Variants in ST8SIA2 observed in about 807,000 individuals in gnomAD.
ST8SIA2 encodes the protein alpha-2,8-sialyltransferase 8B.
Under a neutral mutation model 37.6 loss-of-function variants are expected in ST8SIA2, and 22 were observed. The observed-to-expected ratio is 0.58, with a 90% CI of 0.42 to 0.83. The LOEUF is 0.83. ST8SIA2 is among the 40% of genes least tolerant of loss of function. The probability of loss-of-function intolerance (pLI) is 0.00; values close to 1 mark genes in which losing one functional copy is unlikely to be tolerated. For synonymous variants in ST8SIA2, 205 were observed against 201.2 expected, an observed-to-expected ratio of 1.02 and a Z score of -0.16; for missense variants, 382 against 484.7, an observed-to-expected ratio of 0.79 and a Z score of 1.99.
chr15:92,454,420 C>T (rs1230147962), intron 5 of ST8SIA2, among the ~76,000 whole-genome samples: 1 of 152,082 alleles, frequency 6.6e-6, no homozygotes, highest in Admixed American at 6.5e-5. Context: ...AATACAGTCA[C>T]ATTCCAAGGT....
Position 92,464,244 on chromosome 15 carries a change from C to T in ST8SIA2, c.987C>T (p.Tyr329=), listed in dbSNP as rs530424640. 48 of 1,613,900 alleles carry T rather than the reference C, an allele frequency of 3.0e-5. No homozygotes were observed. Among genetic ancestry groups the T allele is most frequent in the Non-Finnish European group, 4.0e-5 (47 of 1,180,038 alleles). The part of the protein sequence containing the change: ...PLDQNQNPVK[Y]HYYDSLKYGY... Reference sequence around the variant, plus strand: ...ATCAGAACCAGAACCCAGTCAAGTACCACTATTATGACAGCCTCAAGTATG... The same window carrying T: ...ATCAGAACCAGAACCCAGTCAAGTATCACTATTATGACAGCCTCAAGTATG... Residue 329 remains tyrosine (Y), a synonymous_variant, in exon 6 of 6, where the codon TAC becomes TAT. Coordinates refer to ENST00000268164, the MANE Select transcript of ST8SIA2 (RefSeq NM_006011.4).
chr15:92,434,141 T>G, intron 2 of ST8SIA2, 106 bp from the exon 3 acceptor site: 1 of 1,544,154 alleles, frequency 6.5e-7, no homozygotes, highest in East Asian at 2.3e-5. Context: ...ATTTTGCTCT[T>G]CTGGAGAAGT....
intron 4 of ST8SIA2, among the ~76,000 whole-genome samples, chr15:92,440,492 A>G (rs2168351): frequency 0.34 from 51,664 of 152,070 alleles, 9,829 homozygotes; most frequent in East Asian, 0.66. Context: ...ACACCCATCC[A>G]CACATACTTG....
intron 1 of ST8SIA2, among the ~76,000 whole-genome samples, chr15:92,399,564 CTG>C (rs1260408397): frequency 1.3e-5 from 2 of 152,164 alleles, no homozygotes; most frequent in Non-Finnish European, 2.9e-5. Flanking sequence ...TCCAGGCACT[CTG>C]TAAGAAGTAC....
At chr15:92,445,204 G>T (rs553601473) in intron 5 of ST8SIA2, 5 of 549,274 alleles carry the variant, frequency 9.1e-6, no homozygotes, top group Admixed American at 3.1e-5. Context: ...CTGTCTTGAG[G>T]CTCAATGGGA....
chr15:92,408,970 C>T (rs1422166934), intron 1 of ST8SIA2, among the ~76,000 whole-genome samples: 1 of 152,126 alleles, frequency 6.6e-6, no homozygotes, highest in African/African-American at 2.4e-5. Context: ...TCCCAAAATG[C>T]TGGGATTACA....
chr15:92,451,636 C>G (rs931967391), intron 5 of ST8SIA2, among the ~76,000 whole-genome samples: 1 of 152,208 alleles, frequency 6.6e-6, no homozygotes, highest in Non-Finnish European at 1.5e-5. Flanking sequence ...CTGCATGCTG[C>G]TCTCGATGGC....
intron 4 of ST8SIA2, 42 bp downstream of exon 4, chr15:92,438,652 C>T (rs2049778498): frequency 6.5e-7 from 1 of 1,549,306 alleles, no homozygotes; most frequent in Non-Finnish European, 8.7e-7. Flanking sequence ...GAGCGGCGGG[C>T]AGGCTGTGTT....
At chr15:92,408,752 C>T (rs575448547) in intron 1 of ST8SIA2, among the ~76,000 whole-genome samples, 4 of 151,786 alleles carry the variant, frequency 2.6e-5, no homozygotes, top group African/African-American at 9.7e-5. Context: ...GTCGCCCAGG[C>T]TGGAGTACAA....
intron 5 of ST8SIA2, among the ~76,000 whole-genome samples, chr15:92,456,075 A>G (rs1019477687): frequency 6.6e-6 from 1 of 152,384 alleles, no homozygotes; most frequent in South Asian, 2.1e-4. Context: ...AGAAGGCTTA[A>G]GCCCCCAAGA....
intron 5 of ST8SIA2, 62 bp downstream of exon 5, chr15:92,444,991 A>G: frequency 3.1e-6 from 5 of 1,596,146 alleles, no homozygotes; most frequent in Non-Finnish European, 3.4e-6. Flanking sequence ...CTTGGTAGGC[A>G]GTATCCCTTT....
At chr15:92,411,693 G>A (rs1216909607) in intron 1 of ST8SIA2, among the ~76,000 whole-genome samples, 1 of 152,168 alleles carries the variant, frequency 6.6e-6, no homozygotes, top group Non-Finnish European at 1.5e-5. Context: ...CTGAGGCCCT[G>A]AGATAGGAAG....
At chr15:92,433,566 C>T (rs1407285020) in intron 2 of ST8SIA2, among the ~76,000 whole-genome samples, 1 of 152,214 alleles carries the variant, frequency 6.6e-6, no homozygotes, top group Non-Finnish European at 1.5e-5. Flanking sequence ...CCAGTTCTTT[C>T]ATTCACTCCA....
intron 5 of ST8SIA2, among the ~76,000 whole-genome samples, chr15:92,463,477 G>A (rs906066872): frequency 6.6e-6 from 1 of 152,210 alleles, no homozygotes; most frequent in Non-Finnish European, 1.5e-5. Context: ...AGACGCTCAG[G>A]AGGCAAGGAT....
chr15:92,417,934 A>T (rs1319404592), intron 1 of ST8SIA2, among the ~76,000 whole-genome samples: 1 of 152,172 alleles, frequency 6.6e-6, no homozygotes, highest in East Asian at 1.9e-4. Context: ...TTTGCTGAGT[A>T]ACCCTTGCTT....
At chr15:92,401,392 C>T (rs2049470065) in intron 1 of ST8SIA2, among the ~76,000 whole-genome samples, 7 of 152,206 alleles carry the variant, frequency 4.6e-5, no homozygotes, top group Admixed American at 4.6e-4. Flanking sequence ...CTTTAGTCTC[C>T]TGCAATTTAT....
At chr15:92,395,132 G>C (rs1198362924) in intron 1 of ST8SIA2, among the ~76,000 whole-genome samples, 5 of 152,206 alleles carry the variant, frequency 3.3e-5, no homozygotes, top group African/African-American at 1.2e-4. Context: ...AAGGGCGGTA[G>C]ACGACAGGTG....
In ST8SIA2 at chr15:92,464,678, G is replaced by T; in HGVS notation, c.*293G>T. ...TCCATCTTTGGGGGTGGAAGGACTTGACATGAAAAGAAGCCAGTCCCATGA... is the reference window on the plus strand; with the variant it reads ...TCCATCTTTGGGGGTGGAAGGACTTTACATGAAAAGAAGCCAGTCCCATGA... On this transcript the variant is annotated 3_prime_UTR_variant, in exon 6 of 6. Transcript: ENST00000268164. 1 of 428,544 alleles carries T rather than the reference G, an allele frequency of 2.3e-6. No individual in the cohort carries two copies. Among genetic ancestry groups the T allele is most frequent in the Non-Finnish European group, 4.2e-6 (1 of 236,104 alleles). The allele number at this position is 428,544 out of a possible 1,614,324, so 26.5% of individuals were successfully genotyped here. A position where few individuals can be genotyped will look rare whatever the true frequency, so the allele number is the denominator to read the frequency against.
chr15:92,419,387 G>C (rs1296318649), intron 1 of ST8SIA2, among the ~76,000 whole-genome samples: 1 of 152,172 alleles, frequency 6.6e-6, no homozygotes, highest in African/African-American at 2.4e-5. Context: ...TTTTCTACAG[G>C]AGAGGGTCAT....
Sources: gnomAD v4.1 joint callset for allele counts (sites outside exome capture counted in the v4.1 genomes callset) on GRCh38, gnomAD v4.1.1 for gene constraint, MANE v1.5 for transcripts, NCBI Gene and HGNC (gene_info 2026-07-23, HGNC 2026-07-21) for gene names.